Variants in STAT2 observed in about 807,000 individuals in gnomAD.
STAT2 encodes interferon alpha induced transcriptional activator.
A neutral mutation model predicts 122.3 loss-of-function variants in STAT2; 51 were observed. The observed-to-expected ratio is 0.42, with a 90% CI of 0.33 to 0.53. The LOEUF (loss-of-function observed/expected upper bound fraction) is 0.53. Among genes scored for constraint, STAT2 ranks in the 20% least tolerant of loss-of-function variants. The pLI is 0.10. For missense variants in STAT2, 736 were observed against 1,010.3 expected (o/e 0.73, Z 3.68); for synonymous variants, 351 against 394.9 (o/e 0.89, Z 1.32).
Position 56,346,474 on chromosome 12 carries a change from T to TC in STAT2, c.2011dup (p.Asp671GlyfsTer2), listed in dbSNP as rs1877477591. The TC allele has an allele frequency of 6.2e-7, 1 of 1,614,190 alleles. No homozygotes were observed. Among genetic ancestry groups the TC allele is most frequent in the Non-Finnish European group, 8.5e-7 (1 of 1,180,032 alleles). On this transcript the variant is annotated frameshift_variant, in exon 21 of 24. Coordinates refer to ENST00000314128, the MANE Select transcript of STAT2 (RefSeq NM_005419.4). LOFTEE classifies it high-confidence loss of function. ...CTGGTAGTAGCACCCAAAAGCTTCATCCCGGGGGATTCGGGGATAGAGGAA... is the reference window on the plus strand; with the variant it reads ...CTGGTAGTAGCACCCAAAAGCTTCATCCCCGGGGGATTCGGGGATAGAGGAA...
intron 10 of STAT2, 71 bp from the exon 11 acceptor site, chr12:56,350,959 A>C: frequency 6.3e-7 from 1 of 1,593,432 alleles, no homozygotes; most frequent in Non-Finnish European, 8.6e-7. Flanking sequence ...TGTTTGAAAA[A>C]GAGAAGAGGG....
chr12:56,348,504 G>A (rs1177891738), intron 19 of STAT2, 25 bp downstream of exon 19: 8 of 1,612,518 alleles, frequency 5.0e-6, no homozygotes, highest in African/African-American at 2.7e-5. Context: ...ACAAGCCCAT[G>A]AGGGAAGGGT....
At position 56,343,364 on chromosome 12, in the gene STAT2, G is replaced by A; in HGVS notation, c.*25C>T. The A allele has an allele frequency of 6.2e-7, 1 of 1,607,032 alleles. No homozygotes were observed. Among genetic ancestry groups the A allele is most frequent in the Non-Finnish European group, 8.5e-7 (1 of 1,175,336 alleles). ...GAGGAGTAGGAAGGGCAAGAGATAT[G>A]AAAAGAACAGAGGAAATGTGGTTCC... On this transcript the variant is annotated 3_prime_UTR_variant, in exon 24 of 24. Coordinates refer to ENST00000314128, the MANE Select transcript of STAT2 (RefSeq NM_005419.4).
intron 22 of STAT2, among the ~76,000 whole-genome samples, chr12:56,344,447 C>G (rs1192763486): frequency 6.6e-6 from 1 of 152,186 alleles, no homozygotes; most frequent in Non-Finnish European, 1.5e-5. Context: ...ACCTTAGGTA[C>G]AAAACTTGAC....
rs1876655245 is a variant in STAT2 at position 56,342,002 on chromosome 12, A to C, written c.*1387T>G. 6.6e-6 allele frequency: 1 copy of C among 152,244 alleles called. No individual in the cohort carries two copies. Among genetic ancestry groups the C allele is most frequent in the African/African-American group, 2.4e-5 (1 of 41,460 alleles). 9.4% of individuals were successfully genotyped at this position (152,244 alleles called of 1,614,324 possible). A position where few individuals can be genotyped will look rare whatever the true frequency, so the allele number is the denominator to read the frequency against. ...ACACCAAACTTTATCCAATACTATA[A>C]AAAAGAAATTCCTGCTGGGAACAGT... On this transcript the variant is annotated 3_prime_UTR_variant, in exon 24 of 24. Coordinates refer to ENST00000314128, the MANE Select transcript of STAT2 (RefSeq NM_005419.4).
intron 11 of STAT2, 35 bp downstream of exon 11, chr12:56,350,794 C>G (rs748704195): frequency 6.2e-7 from 1 of 1,612,374 alleles, no homozygotes; most frequent in Non-Finnish European, 8.5e-7. Flanking sequence ...CCCAGCAGCC[C>G]GTGTCCTGGC....
chr12:56,358,044 T>C (rs2136098273), intron 1 of STAT2, among the ~76,000 whole-genome samples: 1 of 152,282 alleles, frequency 6.6e-6, no homozygotes, highest in Admixed American at 6.5e-5. Context: ...GAGTGAATAG[T>C]ACAAGGATCA....
intron 8 of STAT2, among the ~76,000 whole-genome samples, chr12:56,353,400 T>G (rs1002124178): frequency 2.0e-5 from 3 of 152,150 alleles, no homozygotes; most frequent in African/African-American, 4.8e-5. Context: ...TCCAAAGTAC[T>G]AGGATAACAG....
intron 22 of STAT2, among the ~76,000 whole-genome samples, chr12:56,345,524 A>ATATATATATATATATATATAT (rs1253052692): frequency 7.6e-5 from 2 of 26,250 alleles, no homozygotes; most frequent in African/African-American, 1.1e-3. Context: ...AAAAAAAAAA[A>ATATATATATATATATATATAT]ATATATATAT....
In STAT2 at chr12:56,354,850, A is replaced by G. The variant is rs767749813; in HGVS notation, c.561T>C (p.Ser187=). 5 of 1,613,958 alleles carry G rather than the reference A, an allele frequency of 3.1e-6. No homozygotes were observed. The highest frequency in any genetic ancestry group is 4.2e-6 in the Non-Finnish European group (5 of 1,180,002). ...YKIQAKGKTP[S]LDPHQTKEQK... ...GCTCTTTGGTCTGATGGGGGTCCAG[A>G]GAGGGTGTCTTCCCTGGATGGTGGG... Residue 187 remains serine (S), a synonymous_variant, in exon 7 of 24, where the codon TCT becomes TCC. Coordinates refer to ENST00000314128, the MANE Select transcript of STAT2 (RefSeq NM_005419.4).
chr12:56,354,038 TATAA>T (rs1384650168), intron 8 of STAT2, among the ~76,000 whole-genome samples: 2,380 of 79,082 alleles, frequency 0.03, 377 homozygotes, highest in Non-Finnish European at 0.053. Flanking sequence ...TATATATATA[TATAA>T]AAAATACTGT....
intron 19 of STAT2, among the ~76,000 whole-genome samples, chr12:56,347,215 G>A (rs1438919362): frequency 6.6e-6 from 1 of 151,886 alleles, no homozygotes. Context: ...GGGAGACAGG[G>A]TGTCATTCTG....
In STAT2 at chr12:56,348,867, C is replaced by T. The variant is rs2136052566; in HGVS notation, c.1576+57G>A. ...GCCAGGGGTCCTGGGATAGATAGGACAGAGGGACAGAAAAGACTAAGGCTG... is the reference window on the plus strand; with the variant it reads ...GCCAGGGGTCCTGGGATAGATAGGATAGAGGGACAGAAAAGACTAAGGCTG... On this transcript the variant is annotated intron_variant, in intron 17 of 23. Coordinates refer to ENST00000314128, the MANE Select transcript of STAT2 (RefSeq NM_005419.4). 2 of 1,613,972 alleles carry T rather than the reference C, an allele frequency of 1.2e-6. 1 individual carries two copies. Among genetic ancestry groups the T allele is most frequent in the Admixed American group, 3.3e-5 (2 of 60,008 alleles).
chr12:56,347,856 G>GA (rs762940706), intron 19 of STAT2, among the ~76,000 whole-genome samples: 30 of 152,262 alleles, frequency 2.0e-4, no homozygotes, highest in Non-Finnish European at 3.7e-4. Context: ...CAGTGTGGTG[G>GA]AAAGAGCATG....
chr12:56,352,088 G>T (rs948759074), intron 8 of STAT2, among the ~76,000 whole-genome samples: 5 of 151,844 alleles, frequency 3.3e-5, no homozygotes, highest in Non-Finnish European at 7.4e-5. Flanking sequence ...TAGTAGAGAC[G>T]GGGTTTTGCC....
chr12:56,356,578 T>G lies in STAT2; in HGVS notation c.-7A>C, dbSNP rs1879544482. ...GCATTTCCCACTGCGCCATTTGGGC[T>G]CTGCGTCAGAAGGATGAGGGTTCCC... On this transcript the variant is annotated splice_region_variant and 5_prime_UTR_variant, in exon 2 of 24. Transcript: ENST00000314128. 6.2e-7 allele frequency: 1 copy of G among 1,614,122 alleles called. No individual in the cohort carries two copies. Among genetic ancestry groups the G allele is most frequent in the African/African-American group, 1.3e-5 (1 of 75,064 alleles).
At chr12:56,350,064 G>A in intron 13 of STAT2, 33 bp downstream of exon 13, 1 of 1,553,816 alleles carries the variant, frequency 6.4e-7, no homozygotes, top group Non-Finnish European at 8.8e-7. Flanking sequence ...AATAAAAATA[G>A]TAATAAAAGC....
intron 22 of STAT2, among the ~76,000 whole-genome samples, chr12:56,345,487 C>A (rs566111854): frequency 3.1e-4 from 12 of 39,284 alleles, no homozygotes; most frequent in Non-Finnish European, 4.7e-4. Flanking sequence ...ATAACAGAGA[C>A]CCTGTCTCAA....
intron 22 of STAT2, among the ~76,000 whole-genome samples, chr12:56,345,633 C>T (rs1398159169): frequency 1.4e-5 from 2 of 143,300 alleles, no homozygotes; most frequent in African/African-American, 2.7e-5. Context: ...GCCTGGGCAA[C>T]ATGGTAAGAC....
Sources: gnomAD v4.1 joint callset for allele counts (sites outside exome capture counted in the v4.1 genomes callset) on GRCh38, gnomAD v4.1.1 for gene constraint, MANE v1.5 for transcripts, NCBI Gene and HGNC (gene_info 2026-07-23, HGNC 2026-07-21) for gene names.